Variants in HMOX2 observed in about 807,000 individuals in gnomAD.
HMOX2 encodes heme oxygenase 2, also known as heme oxygenase (decycling) 2.
Under a neutral mutation model 33.7 loss-of-function variants are expected in HMOX2, and 30 were observed. The ratio of observed to expected loss-of-function variants is 0.89; its 90% confidence interval spans 0.67 to 1.21. The LOEUF (loss-of-function observed/expected upper bound fraction) is 1.21. Ranked by LOEUF, HMOX2 falls within the 50% of genes most tolerant of loss-of-function variation. The pLI, the probability that HMOX2 is intolerant of heterozygous loss-of-function variation, is 0.00. For synonymous variants in HMOX2, 155 were observed against 155.0 expected (o/e 1.00, Z 0.00); for missense variants, 403 against 399.1 (o/e 1.01, Z -0.08).
At chr16:4,475,168 G>A (rs2057782632), upstream of HMOX2, among the ~76,000 whole-genome samples, 2 of 151,848 alleles carry the variant, frequency 1.3e-5, no homozygotes, top group Admixed American at 1.3e-4. Flanking sequence ...GACCAGGCAG[G>A]TCTCGAACTC....
intron 1 of HMOX2, among the ~76,000 whole-genome samples, chr16:4,503,857 G>C (rs989299769): frequency 1.3e-5 from 2 of 152,156 alleles, no homozygotes; most frequent in Non-Finnish European, 2.9e-5. Flanking sequence ...CCTGTTTCTG[G>C]GTAGAGCACA....
chr16:4,506,042 A>G (rs2058683595), intron 2 of HMOX2, among the ~76,000 whole-genome samples: 1 of 152,080 alleles, frequency 6.6e-6, no homozygotes. Context: ...GTTCTGCATC[A>G]TTAGCCTCTC....
At chr16:4,497,005 T>C (rs1420285747) in intron 1 of HMOX2, among the ~76,000 whole-genome samples, 1 of 152,050 alleles carries the variant, frequency 6.6e-6, no homozygotes, top group Non-Finnish European at 1.5e-5. Flanking sequence ...CCTCCAGGAA[T>C]GGCTTCTAAG....
intron 1 of HMOX2, among the ~76,000 whole-genome samples, chr16:4,482,947 T>C (rs1167588388): frequency 2.0e-5 from 3 of 151,936 alleles, no homozygotes; most frequent in Non-Finnish European, 4.4e-5. Context: ...GGAAAATCGC[T>C]TGGACCCTGG....
chr16:4,484,451 T>G (rs368888065), intron 1 of HMOX2, among the ~76,000 whole-genome samples: 79 of 140,702 alleles, frequency 5.6e-4, no homozygotes, highest in African/African-American at 2.0e-3. Context: ...CTCAAGTTTC[T>G]TTTCTTTTCT....
At chr16:4,492,968 G>A (rs1235724575) in intron 1 of HMOX2, among the ~76,000 whole-genome samples, 1 of 152,054 alleles carries the variant, frequency 6.6e-6, no homozygotes, top group Non-Finnish European at 1.5e-5. Context: ...ACCCAGGAGT[G>A]GGGAGAAAAA....
chr16:4,481,508 T>C (rs1350415631), intron 1 of HMOX2, among the ~76,000 whole-genome samples: 3 of 152,102 alleles, frequency 2.0e-5, no homozygotes, highest in Admixed American at 6.6e-5. Context: ...ACTGAAAGAA[T>C]TGGGTGGAAC....
At chr16:4,487,152 G>C (rs746134035) in intron 1 of HMOX2, among the ~76,000 whole-genome samples, 22 of 152,088 alleles carry the variant, frequency 1.4e-4, no homozygotes, top group African/African-American at 3.6e-4. Flanking sequence ...TCAGCTGCTC[G>C]AGAGGCTAAG....
chr16:4,494,301 G>C (rs1390789554), intron 1 of HMOX2, among the ~76,000 whole-genome samples: 2 of 150,272 alleles, frequency 1.3e-5, no homozygotes, highest in Non-Finnish European at 3.0e-5. Context: ...GGGCGACAGA[G>C]TGAGACTCTG....
intron 1 of HMOX2, chr16:4,495,860 T>C (rs1331551683): frequency 6.6e-6 from 1 of 152,236 alleles, no homozygotes; most frequent in African/African-American, 2.4e-5. Flanking sequence ...CTGGCTTCAT[T>C]GTCCACTAAG....
At chr16:4,495,996 C>T (rs1459128124) in intron 1 of HMOX2, 3 of 152,236 alleles carry the variant, frequency 2.0e-5, no homozygotes, top group African/African-American at 7.2e-5. Context: ...GAACAATCTT[C>T]TCAGGTTGTT....
intron 1 of HMOX2, among the ~76,000 whole-genome samples, chr16:4,503,673 C>G (rs2058616207): frequency 1.3e-5 from 2 of 152,130 alleles, no homozygotes. Flanking sequence ...AGTAGAGATG[C>G]TAAATCTAAA....
At chr16:4,484,473 TTTTTTGA>T (rs1434439989) in intron 1 of HMOX2, among the ~76,000 whole-genome samples, 5 of 149,248 alleles carry the variant, frequency 3.4e-5, no homozygotes, top group Admixed American at 6.7e-5. Context: ...TTTTTTTTTT[TTTTTTGA>T]GACGGAGTCT....
intron 3 of HMOX2, among the ~76,000 whole-genome samples, chr16:4,507,431 C>A (rs573298947): frequency 1.3e-5 from 2 of 150,102 alleles, no homozygotes; most frequent in African/African-American, 4.9e-5. Context: ...GGTGACAGAG[C>A]GAGACTCTTT....
intron 1 of HMOX2, among the ~76,000 whole-genome samples, chr16:4,500,513 ACT>A (rs1490100557): frequency 2.0e-5 from 3 of 150,108 alleles, no homozygotes; most frequent in African/African-American, 7.4e-5. Flanking sequence ...GCTGTTGCTT[ACT>A]CTCGGTGCTG....
Position 4,507,865 on chromosome 16 carries a change from A to C in HMOX2, c.357A>C (p.Glu119Asp). ...LTKDMEYFFG[E>D]NWEEQVQCPK... Reference sequence around the variant, plus strand: ...AGGACATGGAGTATTTCTTTGGTGAAAACTGGGAGGAGCAGGTGCAGTGCC... The same window carrying C: ...AGGACATGGAGTATTTCTTTGGTGACAACTGGGAGGAGCAGGTGCAGTGCC... The change falls in exon 4 of 6, where the codon GAA becomes GAC. Residue 119 changes from glutamate to aspartate, a missense_variant. Coordinates refer to ENST00000570646, the MANE Select transcript of HMOX2 (RefSeq NM_002134.4). 6.2e-7 allele frequency: 1 copy of C among 1,614,172 alleles called. No individual in the cohort carries two copies.
rs1295225068 is a variant in HMOX2 at position 4,508,159 on chromosome 16, G to A, written c.651G>A (p.Glu217=). Residue 217 remains glutamate, a synonymous_variant, in exon 4 of 6, where the codon GAG becomes GAA. Coordinates refer to ENST00000570646, the MANE Select transcript of HMOX2 (RefSeq NM_002134.4). ...NALDLNMKTK[E]RIVEEANKAF... is the part of the protein sequence containing the mutation. ...TGGACCTGAACATGAAGACCAAAGA[G>A]AGGATCGTGGAGGAGGCCAACAAGG... 1 of 1,613,404 alleles carries A rather than the reference G, an allele frequency of 6.2e-7. No homozygotes were observed. Among genetic ancestry groups the A allele is most frequent in the Non-Finnish European group, 8.5e-7 (1 of 1,179,668 alleles).
intron 1 of HMOX2, among the ~76,000 whole-genome samples, chr16:4,494,617 G>T (rs889857077): frequency 6.6e-6 from 1 of 152,102 alleles, no homozygotes; most frequent in African/African-American, 2.4e-5. Context: ...AGTGGCTCAT[G>T]CTTGTATTCC....
intron 2 of HMOX2, 51 bp downstream of exon 2, chr16:4,505,661 G>A (rs769054488): frequency 1.9e-5 from 25 of 1,300,408 alleles, no homozygotes; most frequent in Non-Finnish European, 2.5e-5. Flanking sequence ...AGCACCTGTC[G>A]TGCTCAGCAC....
Sources: gnomAD v4.1 joint callset for allele counts (sites outside exome capture counted in the v4.1 genomes callset) on GRCh38, gnomAD v4.1.1 for gene constraint, MANE v1.5 for transcripts, NCBI Gene and HGNC (gene_info 2026-07-23, HGNC 2026-07-21) for gene names.